STK4: variants seen among roughly 807,000 people sequenced by gnomAD.
The protein encoded by STK4 is serine/threonine-protein kinase 4.
Under a neutral mutation model 64.9 loss-of-function variants are expected in STK4, and 30 were observed. The observed-to-expected ratio is 0.46, with a 90% confidence interval of 0.35 to 0.63. STK4 has a LOEUF of 0.63. Among genes scored for constraint, STK4 ranks in the 20% least tolerant of loss-of-function variants. The probability of loss-of-function intolerance (pLI) is 0.01; values close to 1 mark genes in which losing one functional copy is unlikely to be tolerated. For synonymous variants in STK4, 177 were observed against 199.0 expected (o/e 0.89, Z 0.93); for missense variants, 466 against 598.5 (o/e 0.78, Z 2.31).
chr20:45,010,032 C>T (rs1408131053), intron 9 of STK4, among the ~76,000 whole-genome samples: 1 of 151,704 alleles, frequency 6.6e-6, no homozygotes, highest in African/African-American at 2.4e-5. Context: ...TTTCTTTTGC[C>T]TGGTTGTTCT....
chr20:44,967,383 T>C, intron 1 of STK4: 1 of 241,160 alleles, frequency 4.1e-6, no homozygotes, highest in Non-Finnish European at 6.7e-6. Context: ...GTCTGTGCCC[T>C]TTTCAGGCCT....
At chr20:45,036,706 T>C (rs2068533347) in intron 10 of STK4, among the ~76,000 whole-genome samples, 2 of 152,106 alleles carry the variant, frequency 1.3e-5, no homozygotes, top group African/African-American at 2.4e-5. Context: ...CCGCGAATTG[T>C]TGTTGTAATT....
chr20:45,008,608 A>T (rs2067992090), intron 9 of STK4, among the ~76,000 whole-genome samples: 1 of 152,196 alleles, frequency 6.6e-6, no homozygotes, highest in Non-Finnish European at 1.5e-5. Flanking sequence ...AGAAATTAGC[A>T]AACTGCTTTT....
At chr20:44,999,754 G>T (rs1334604627) in intron 7 of STK4, among the ~76,000 whole-genome samples, 1 of 152,050 alleles carries the variant, frequency 6.6e-6, no homozygotes, top group Non-Finnish European at 1.5e-5. Context: ...CTGCATTTTT[G>T]CACTAAAATC....
chr20:45,008,091 G>T (rs2067981387), intron 9 of STK4, among the ~76,000 whole-genome samples: 1 of 152,174 alleles, frequency 6.6e-6, no homozygotes, highest in South Asian at 2.1e-4. Context: ...GTCTTGCTCT[G>T]TCGCCCAGGC....
chr20:44,989,365 G>A (rs2067592982), intron 5 of STK4, among the ~76,000 whole-genome samples: 1 of 152,090 alleles, frequency 6.6e-6, no homozygotes, highest in South Asian at 2.1e-4. Flanking sequence ...GACTAGTGAT[G>A]TCGACTGTCA....
chr20:44,995,851 G>C (rs1013471660), intron 6 of STK4, among the ~76,000 whole-genome samples: 8 of 152,042 alleles, frequency 5.3e-5, no homozygotes, highest in African/African-American at 9.7e-5. Context: ...CTCTCTCTCT[G>C]TCTGTCACTC....
intron 9 of STK4, chr20:45,004,563 T>C (rs1211481129): frequency 6.6e-6 from 1 of 151,930 alleles, no homozygotes; most frequent in African/African-American, 2.4e-5. Context: ...TCCTTGTAGA[T>C]TCTGGATATT....
At chr20:45,073,648 A>C in intron 10 of STK4, among the ~76,000 whole-genome samples, 1 of 152,210 alleles carries the variant, frequency 6.6e-6, no homozygotes. Flanking sequence ...CACAGAATAA[A>C]GTATCACCAC....
chr20:45,050,001 A>G lies in STK4; in HGVS notation c.1305+24871A>G, dbSNP rs571288324. On this transcript the variant is annotated intron_variant, in intron 10 of 10. Coordinates refer to ENST00000372806, the MANE Select transcript of STK4 (RefSeq NM_006282.5). The stretch of plus-strand genomic sequence containing the variant: ...CTTCAAGTTAGACTAGATGACCTTT[A>G]AGGTTTTGTTAATCCTGAGAATCCG... Among the ~76,000 whole-genome samples the G allele has an allele frequency of 3.0e-4, 46 of 152,310 alleles. 1 individual carries two copies. In the South Asian group the frequency reaches 8.7e-3, roughly 29 times the overall value.
intron 4 of STK4, among the ~76,000 whole-genome samples, chr20:44,984,512 T>C (rs1234655476): frequency 6.6e-6 from 1 of 152,132 alleles, no homozygotes; most frequent in Non-Finnish European, 1.5e-5. Flanking sequence ...TAAGTGCTGA[T>C]TTTTAATTAC....
rs371237761 is a variant in STK4, at chr20:44,988,523, A to ATGTGTGTGTGTGTGTGTG, written c.525+1238_525+1239insGTGTGTGTGTGTGTGTGT. On this transcript the variant is annotated intron_variant, in intron 5 of 10. Coordinates refer to ENST00000372806, the MANE Select transcript of STK4 (RefSeq NM_006282.5). ...TGTATGTATGTGTGTGTGTATATATATGTGTGTGTGTATATATATATATAT... is the reference window on the plus strand; with the variant it reads ...TGTATGTATGTGTGTGTGTATATATATGTGTGTGTGTGTGTGTGTGTGTGTGTGTATATATATATATAT... 1.1e-3 allele frequency among the ~76,000 whole-genome samples: 124 copies of ATGTGTGTGTGTGTGTGTG among 108,582 alleles called. 1 individual carries two copies. Among genetic ancestry groups the ATGTGTGTGTGTGTGTGTG allele is most frequent in the East Asian group, 4.9e-3 (16 of 3,284 alleles). 71.2% of individuals were successfully genotyped at this position (108,582 alleles called of 152,430 possible).
At chr20:45,034,599 GC>G (rs2068497195) in intron 10 of STK4, among the ~76,000 whole-genome samples, 2 of 152,076 alleles carry the variant, frequency 1.3e-5, no homozygotes, top group Admixed American at 1.3e-4. Context: ...AATAATGAAA[GC>G]ACTGTGATAT....
At chr20:45,073,587 G>A (rs1980267584) in intron 10 of STK4, among the ~76,000 whole-genome samples, 1 of 152,188 alleles carries the variant, frequency 6.6e-6, no homozygotes, top group African/African-American at 2.4e-5. Context: ...CAGACCTCTT[G>A]TAAGACTTTG....
At chr20:44,983,399 C>T (rs973214330) in intron 4 of STK4, among the ~76,000 whole-genome samples, 4 of 152,060 alleles carry the variant, frequency 2.6e-5, no homozygotes, top group South Asian at 2.1e-4. Flanking sequence ...TCCAGGAGTT[C>T]GAGGCCAGCC....
intron 2 of STK4, among the ~76,000 whole-genome samples, chr20:44,977,011 C>T (rs995797505): frequency 3.3e-5 from 5 of 152,096 alleles, no homozygotes; most frequent in Non-Finnish European, 5.9e-5. Context: ...CAGAACTGGG[C>T]GACATGTTTG....
At chr20:45,025,710 G>A (rs1859050375) in intron 10 of STK4, among the ~76,000 whole-genome samples, 1 of 152,146 alleles carries the variant, frequency 6.6e-6, no homozygotes, top group African/African-American at 2.4e-5. Flanking sequence ...TTGGGAAAAA[G>A]TAAGCTAAGG....
intron 10 of STK4, among the ~76,000 whole-genome samples, chr20:45,027,300 C>T (rs1241490515): frequency 6.6e-6 from 1 of 151,802 alleles, no homozygotes; most frequent in African/African-American, 2.4e-5. Context: ...TGTGGTGGTG[C>T]ATGCCTGTAA....
chr20:45,001,417 T>G, intron 9 of STK4, 64 bp downstream of exon 9: 1 of 1,527,414 alleles, frequency 6.5e-7, no homozygotes, highest in Non-Finnish European at 8.9e-7. Context: ...AGAAGACAGA[T>G]TCTCATGGTT....
Sources: allele counts gnomAD v4.1 joint callset (sites outside exome capture counted in the v4.1 genomes callset), GRCh38; gene constraint gnomAD v4.1.1; transcripts MANE v1.5; gene names NCBI Gene and HGNC (gene_info 2026-07-23, HGNC 2026-07-21).